The following TEX11 variants were observed in gnomAD, a reference collection of about 807,000 sequenced individuals.
TEX11 encodes testis expressed 11, also known as testis-expressed protein 11.
Under a neutral mutation model 84.4 loss-of-function variants are expected in TEX11, and 7 were observed. That is an observed-to-expected ratio of 0.08 (90% CI 0.05 to 0.16). The LOEUF (loss-of-function observed/expected upper bound fraction) is 0.16. Among genes scored for constraint, TEX11 ranks in the 10% least tolerant of loss-of-function variants. The probability of loss-of-function intolerance (pLI) is 1.00; values close to 1 mark genes in which losing one functional copy is unlikely to be tolerated. For synonymous variants in TEX11, 264 were observed against 222.8 expected, an observed-to-expected ratio of 1.18 and a Z score of -1.64; for missense variants, 551 against 660.5, an observed-to-expected ratio of 0.83 and a Z score of 1.82.
chrX:70,806,806 A>G lies in TEX11; in HGVS notation c.607-16T>C. The G allele has an allele frequency of 9.1e-7, 1 of 1,100,557 alleles. No homozygotes were observed. Among genetic ancestry groups the G allele is most frequent in the African/African-American group, 1.8e-5 (1 of 55,225 alleles). The allele number at this position is 1,100,557 out of a possible 1,213,427, so 90.7% of individuals were successfully genotyped here. A position where few individuals can be genotyped will look rare whatever the true frequency, so the allele number is the denominator to read the frequency against. The stretch of plus-strand genomic sequence containing the variant: ...GACTTGAAGTCTGCAATATAAAAAA[A>G]ATGCATTAGATTCATGATTTCCTTA... On this transcript the variant is annotated splice_polypyrimidine_tract_variant and intron_variant, in intron 8 of 29. Transcript: ENST00000374333.
At chrX:70,714,557 T>G (rs1350331109) in intron 13 of TEX11, among the ~76,000 whole-genome samples, 4 of 111,995 alleles carry the variant, frequency 3.6e-5, no homozygotes, top group African/African-American at 1.3e-4. Flanking sequence ...TGGCCTTCTT[T>G]GTCTCTTTTG....
intron 9 of TEX11, among the ~76,000 whole-genome samples, chrX:70,783,020 G>C (rs1232572695): frequency 2.7e-5 from 3 of 111,376 alleles, no homozygotes; most frequent in Non-Finnish European, 5.6e-5. Flanking sequence ...CAAATCAACA[G>C]AATATACATT....
intron 28 of TEX11, among the ~76,000 whole-genome samples, chrX:70,550,921 A>C (rs2088205128): frequency 8.9e-6 from 1 of 111,831 alleles, no homozygotes; most frequent in East Asian, 2.8e-4. Flanking sequence ...AAAGAAAGGA[A>C]ATCAGTATAT....
At chrX:70,876,430 A>G (rs1049209338) in intron 3 of TEX11, among the ~76,000 whole-genome samples, 2 of 111,773 alleles carry the variant, frequency 1.8e-5, no homozygotes, top group African/African-American at 6.5e-5. Flanking sequence ...GACTGTAAAT[A>G]CTTCATAATC....
chrX:70,521,679 A>C, the TEX11 span, among the ~76,000 whole-genome samples: 1 of 111,908 alleles, frequency 8.9e-6, no homozygotes, highest in South Asian at 3.7e-4. Context: ...TGACCAATTA[A>C]TGAAGAACTG....
intron 28 of TEX11, among the ~76,000 whole-genome samples, chrX:70,536,924 G>A (rs1462896326): frequency 8.9e-6 from 1 of 111,823 alleles, no homozygotes; most frequent in African/African-American, 3.2e-5. Flanking sequence ...TCCTGTCCAA[G>A]AACATGGTAT....
At chrX:70,541,504 G>A (rs1327027654) in intron 28 of TEX11, among the ~76,000 whole-genome samples, 4 of 111,233 alleles carry the variant, frequency 3.6e-5, no homozygotes, top group African/African-American at 1.3e-4. Flanking sequence ...AAGAGTACAT[G>A]AGCACTTTGG....
At chrX:70,679,683 G>A (rs1397609415) in intron 14 of TEX11, among the ~76,000 whole-genome samples, 6 of 108,284 alleles carry the variant, frequency 5.5e-5, no homozygotes, top group Non-Finnish European at 1.2e-4. Context: ...CCCCGTCTGG[G>A]AAGTGAGGAG....
chrX:70,754,609 G>A (rs1273530486), intron 9 of TEX11, among the ~76,000 whole-genome samples: 2 of 111,355 alleles, frequency 1.8e-5, no homozygotes, highest in Admixed American at 1.9e-4. Context: ...GCAAACATAG[G>A]TGGTAGGTAG....
At chrX:70,554,565 G>A (rs2088261808) in intron 26 of TEX11, 86 bp downstream of exon 26, 2 of 944,391 alleles carry the variant, frequency 2.1e-6, no homozygotes, top group African/African-American at 2.0e-5. Context: ...CCTACCTGGA[G>A]GTAAGAAAGA....
At chrX:70,628,085 C>A (rs956266582) in intron 18 of TEX11, among the ~76,000 whole-genome samples, 4 of 110,319 alleles carry the variant, frequency 3.6e-5, no homozygotes, top group Non-Finnish European at 5.7e-5. Flanking sequence ...AAAAATTAGT[C>A]AGGTGTGGCT....
At chrX:70,738,208 A>G (rs894179615) in intron 11 of TEX11, among the ~76,000 whole-genome samples, 4 of 112,003 alleles carry the variant, frequency 3.6e-5, no homozygotes, top group Non-Finnish European at 5.6e-5. Flanking sequence ...CCATCTAACA[A>G]AAGTTTAATA....
At chrX:70,840,312 G>A (rs1012247307) in intron 7 of TEX11, among the ~76,000 whole-genome samples, 2 of 111,675 alleles carry the variant, frequency 1.8e-5, no homozygotes, top group African/African-American at 6.5e-5. Context: ...AGAAGAGAGT[G>A]GGGACCAATA....
At chrX:70,891,311 G>C (rs1046398830) in intron 2 of TEX11, among the ~76,000 whole-genome samples, 2 of 111,643 alleles carry the variant, frequency 1.8e-5, no homozygotes, top group Admixed American at 9.5e-5. Context: ...CTAAAAACCA[G>C]AGTGCCTCTC....
At chrX:70,819,188 G>A (rs5936997) in intron 8 of TEX11, among the ~76,000 whole-genome samples, 29,077 of 110,596 alleles carry the variant, frequency 0.26, 3,240 homozygotes, top group East Asian at 0.42. Flanking sequence ...AAAAATCCTC[G>A]ATAAAATACT....
chrX:70,755,819 C>G (rs2090863053), intron 9 of TEX11, among the ~76,000 whole-genome samples: 1 of 112,395 alleles, frequency 8.9e-6, no homozygotes, highest in Admixed American at 9.4e-5. Context: ...CACAAGGGGT[C>G]TGGGGACTTT....
chrX:70,770,983 T>G (rs2090968935), intron 9 of TEX11, among the ~76,000 whole-genome samples: 1 of 111,897 alleles, frequency 8.9e-6, no homozygotes, highest in African/African-American at 3.2e-5. Context: ...TATAGATAAT[T>G]TTAAATGGTG....
intron 25 of TEX11, among the ~76,000 whole-genome samples, chrX:70,572,920 G>A (rs1252171297): frequency 9.2e-6 from 1 of 108,532 alleles, no homozygotes; most frequent in Non-Finnish European, 1.9e-5. Flanking sequence ...GTTGATGGGT[G>A]CAGCACACCA....
chrX:70,838,717 G>A (rs2091421172), intron 7 of TEX11, among the ~76,000 whole-genome samples: 1 of 112,597 alleles, frequency 8.9e-6, no homozygotes, highest in African/African-American at 3.2e-5. Flanking sequence ...CAAGGGGTCA[G>A]GGAATTCCCT....
Sources: allele counts gnomAD v4.1 joint callset (sites outside exome capture counted in the v4.1 genomes callset), GRCh38; gene constraint gnomAD v4.1.1; transcripts MANE v1.5; gene names NCBI Gene and HGNC (gene_info 2026-07-23, HGNC 2026-07-21).